TFDP2: variants seen among roughly 807,000 people sequenced by gnomAD.
TFDP2 encodes the protein transcription factor Dp-2 (E2F dimerization partner 2).
Under a neutral mutation model 59.3 loss-of-function variants are expected in TFDP2, and 17 were observed. The observed-to-expected ratio is 0.29, with a 90% confidence interval of 0.20 to 0.43. The LOEUF is 0.43. TFDP2 is among the 20% of genes least tolerant of loss of function. The pLI is 1.00. For synonymous variants in TFDP2, 180 were observed against 194.7 expected (o/e 0.92, Z 0.63); for missense variants, 391 against 528.8 (o/e 0.74, Z 2.56).
chr3:142,112,293 T>A (rs1577012803), intron 1 of TFDP2, among the ~76,000 whole-genome samples: 1 of 152,314 alleles, frequency 6.6e-6, no homozygotes, highest in African/African-American at 2.4e-5. Flanking sequence ...ATTCACTATC[T>A]ATTTATCTAG....
intron 3 of TFDP2, among the ~76,000 whole-genome samples, chr3:142,038,730 A>G (rs1946814855): frequency 6.6e-6 from 1 of 151,238 alleles, no homozygotes; most frequent in Non-Finnish European, 1.5e-5. Flanking sequence ...TCTATGATAC[A>G]TATTTTTTTT....
At chr3:142,063,767 C>T (rs930945772) in intron 3 of TFDP2, among the ~76,000 whole-genome samples, 1 of 152,074 alleles carries the variant, frequency 6.6e-6, no homozygotes, top group Non-Finnish European at 1.5e-5. Context: ...AGCAAAAGAT[C>T]CACTGTCGAA....
intron 3 of TFDP2, among the ~76,000 whole-genome samples, chr3:142,015,614 A>G (rs1945072412): frequency 6.6e-6 from 1 of 152,196 alleles, no homozygotes; most frequent in African/African-American, 2.4e-5. Flanking sequence ...GTCCCGGCCA[A>G]CATCTTGGCT....
In TFDP2 at chr3:141,946,314, A is replaced by G. The variant is rs913403412; in HGVS notation, c.*6199T>C. 4 of 152,236 alleles carry G rather than the reference A, an allele frequency of 2.6e-5. No individual in the cohort carries two copies. Among genetic ancestry groups the G allele is most frequent in the Non-Finnish European group, 5.9e-5 (4 of 68,042 alleles). 9.4% of individuals were successfully genotyped at this position (152,236 alleles called of 1,614,324 possible). On this transcript the variant is annotated 3_prime_UTR_variant, in exon 13 of 13. Coordinates refer to ENST00000489671, the MANE Select transcript of TFDP2 (RefSeq NM_001178139.2). ...TGAGCATCAGCTACGTTGGCCTCCA[A>G]TGCAGCTATAAGCAGTGAAGACCAA...
chr3:141,995,110 G>A lies in TFDP2; in HGVS notation c.218C>T (p.Ser73Leu), dbSNP rs1943145744. The change falls in exon 5 of 13, where the codon TCA becomes TTA. Residue 73 changes from serine to leucine, a missense_variant. Ser to Leu is a moderately radical substitution (Grantham distance 145, BLOSUM62 -2). This residue lies in a region of TFDP2 where 162 missense variants were observed against 206.8 expected (regional missense o/e 0.78). Transcript: ENST00000489671. ...IISTPQRLTS[S>L]GSVLIGSPYT... ...TGGACTCCCAATCAGAACACTTCCT[G>A]AACTGGTTAGTCTCTGTGGTGTGCT... is the stretch of plus-strand genomic sequence containing the variant. 1.9e-6 allele frequency: 3 copies of A among 1,609,508 alleles called. No homozygotes were observed. Among genetic ancestry groups the A allele is most frequent in the Non-Finnish European group, 8.5e-7 (1 of 1,177,624 alleles).
intron 3 of TFDP2, among the ~76,000 whole-genome samples, chr3:142,052,421 T>C (rs1947682547): frequency 6.6e-6 from 1 of 151,186 alleles, no homozygotes; most frequent in African/African-American, 2.4e-5. Flanking sequence ...GGTGGGCGCC[T>C]GTAGTCCCAG....
intron 3 of TFDP2, among the ~76,000 whole-genome samples, chr3:142,040,226 T>G (rs1212599904): frequency 6.6e-6 from 1 of 152,130 alleles, no homozygotes; most frequent in African/African-American, 2.4e-5. Flanking sequence ...GGCTTTAAAA[T>G]AACTGTTCTT....
chr3:142,140,098 C>T (rs1174665408), intron 1 of TFDP2, among the ~76,000 whole-genome samples: 4 of 152,104 alleles, frequency 2.6e-5, no homozygotes, highest in East Asian at 1.9e-4. Context: ...CTTGTCTTCT[C>T]GCTTTATTTC....
At position 141,945,068 on chromosome 3, in the gene TFDP2, AG is replaced by A. The variant is rs1184354888; in HGVS notation, c.*7444del. The A allele has an allele frequency of 6.6e-6, 1 of 152,262 alleles. No homozygotes were observed. Among genetic ancestry groups the A allele is most frequent in the African/African-American group, 2.4e-5 (1 of 41,462 alleles). 9.4% of individuals were successfully genotyped at this position (152,262 alleles called of 1,614,324 possible). On this transcript the variant is annotated 3_prime_UTR_variant, in exon 13 of 13. Coordinates refer to ENST00000489671, the MANE Select transcript of TFDP2 (RefSeq NM_001178139.2). ...AAATAAAACCCAATAGCACATAGTC[AG>A]AGTAAAGCATTTTCAGATGAAAAGG... is the stretch of plus-strand genomic sequence containing the variant.
chr3:142,144,574 C>T (rs2063095288), intron 1 of TFDP2, among the ~76,000 whole-genome samples: 1 of 152,154 alleles, frequency 6.6e-6, no homozygotes, highest in African/African-American at 2.4e-5. Context: ...TAGGGTCTCA[C>T]TCTGTTGCCC....
In TFDP2 at chr3:142,121,079, C is replaced by A. The variant is rs139371342; in HGVS notation, c.-92-19238G>T. 1.4e-3 allele frequency among the ~76,000 whole-genome samples: 210 copies of A among 152,016 alleles called. 1 individual carries two copies. Among genetic ancestry groups the A allele is most frequent in the African/African-American group, 4.9e-3 (205 of 41,466 alleles). On this transcript the variant is annotated intron_variant, in intron 1 of 12. Transcript: ENST00000489671. This position sits in a 1 kb window ranked among gnomAD's most constrained non-coding sequence, Gnocchi z 4.3. ...TATGATGACAGAGAAAAGAACTAGA[C>A]GTGTGTGTGCCAGCTTTAAGGTATG...
intron 1 of TFDP2, among the ~76,000 whole-genome samples, chr3:142,115,561 G>T (rs1424800494): frequency 6.6e-6 from 1 of 152,094 alleles, no homozygotes; most frequent in African/African-American, 2.4e-5. Flanking sequence ...CTCGTGATCC[G>T]CCGGCCTCGG....
At chr3:142,120,133 C>T (rs1213999126) in intron 1 of TFDP2, among the ~76,000 whole-genome samples, 3 of 151,450 alleles carry the variant, frequency 2.0e-5, no homozygotes, top group South Asian at 2.1e-4. Flanking sequence ...GAGGCCGAGA[C>T]GGGCAGATCA....
chr3:141,993,397 G>T, intron 6 of TFDP2, 141 bp downstream of exon 6: 1 of 524,352 alleles, frequency 1.9e-6, no homozygotes, highest in Non-Finnish European at 3.4e-6. Flanking sequence ...GGCACTCAAT[G>T]CAGAATGAAA....
intron 1 of TFDP2, among the ~76,000 whole-genome samples, chr3:142,112,548 G>T (rs1386530986): frequency 1.3e-5 from 2 of 152,198 alleles, no homozygotes; most frequent in Non-Finnish European, 2.9e-5. Flanking sequence ...GAGCAAATGG[G>T]CTAACACTGT....
chr3:142,137,481 C>T (rs1038158161), intron 1 of TFDP2, among the ~76,000 whole-genome samples: 1 of 152,100 alleles, frequency 6.6e-6, no homozygotes, highest in Admixed American at 6.5e-5. Flanking sequence ...GGAATGCTTC[C>T]AGTTTTTGCC....
intron 1 of TFDP2, among the ~76,000 whole-genome samples, chr3:142,105,670 T>C (rs928639500): frequency 5.3e-5 from 8 of 152,174 alleles, no homozygotes; most frequent in African/African-American, 1.9e-4. Flanking sequence ...AGGGTACCAA[T>C]AAAAATAGCC....
At chr3:142,024,444 A>C (rs761400285) in intron 3 of TFDP2, among the ~76,000 whole-genome samples, 2 of 152,166 alleles carry the variant, frequency 1.3e-5, no homozygotes, top group African/African-American at 2.4e-5. Context: ...AACAATGTAA[A>C]AGGTTTTCTC....
intron 1 of TFDP2, among the ~76,000 whole-genome samples, chr3:142,131,053 CAAA>C (rs1223900505): frequency 2.5e-5 from 2 of 79,406 alleles, no homozygotes; most frequent in Non-Finnish European, 5.0e-5. Context: ...AACTACGTCT[CAAA>C]AAAAAAAAAA....
Sources: gnomAD v4.1 joint callset for allele counts (sites outside exome capture counted in the v4.1 genomes callset) on GRCh38, gnomAD v4.1.1 for gene constraint, gnomAD v4.1.1 regional missense constraint, Gnocchi (gnomAD v3.1) non-coding constraint, MANE v1.5 for transcripts, NCBI Gene and HGNC (gene_info 2026-07-23, HGNC 2026-07-21) for gene names.